Variants in AKT3 observed in about 807,000 individuals in gnomAD.
The protein encoded by AKT3 is RAC-gamma serine/threonine-protein kinase.
AKT3 carries 15 observed loss-of-function variants against 65.3 expected under a neutral mutation model. The ratio of observed to expected loss-of-function variants is 0.23; its 90% CI spans 0.15 to 0.35. The LOEUF (loss-of-function observed/expected upper bound fraction) is 0.35. AKT3 is among the 10% of genes least tolerant of loss of function. The pLI is 1.00. For missense variants in AKT3, 243 were observed against 576.5 expected (o/e 0.42, Z 5.92); for synonymous variants, 206 against 183.8 (o/e 1.12, Z -0.98).
intron 8 of AKT3, among the ~76,000 whole-genome samples, chr1:243,580,731 T>C (rs1321064673): frequency 6.6e-6 from 1 of 152,184 alleles, no homozygotes; most frequent in Non-Finnish European, 1.5e-5. Context: ...GCATGTGCCA[T>C]TGCCGGGTAA....
At chr1:243,812,445 G>A (rs940608638) in intron 2 of AKT3, among the ~76,000 whole-genome samples, 21 of 152,206 alleles carry the variant, frequency 1.4e-4, no homozygotes, top group Non-Finnish European at 2.2e-4. Flanking sequence ...CTGGCCATCA[G>A]AGAAATGCAA....
chr1:243,659,679 G>A (rs576780619), intron 4 of AKT3, among the ~76,000 whole-genome samples: 1 of 151,942 alleles, frequency 6.6e-6, no homozygotes, highest in African/African-American at 2.4e-5. Flanking sequence ...TGATGGGCTC[G>A]CCATTGAGAA....
intron 4 of AKT3, among the ~76,000 whole-genome samples, chr1:243,651,867 C>T (rs1235580556): frequency 2.6e-5 from 4 of 151,794 alleles, no homozygotes; most frequent in Non-Finnish European, 5.9e-5. Flanking sequence ...TTTTTTGTTG[C>T]GTCTCTGCCA....
chr1:243,492,452 C>G (rs199656337), intron 13 of AKT3, among the ~76,000 whole-genome samples: 27 of 151,590 alleles, frequency 1.8e-4, no homozygotes, highest in African/African-American at 6.3e-4. Context: ...CAGGCACCCA[C>G]CACCACACCT....
intron 2 of AKT3, among the ~76,000 whole-genome samples, chr1:243,750,022 C>T (rs1334726581): frequency 6.6e-6 from 1 of 152,156 alleles, no homozygotes; most frequent in Non-Finnish European, 1.5e-5. Context: ...TCTCTGCTTT[C>T]TTCTCCTTCT....
At chr1:243,497,522 C>T (rs1405516372), downstream of AKT3, among the ~76,000 whole-genome samples, 1 of 152,064 alleles carries the variant, frequency 6.6e-6, no homozygotes, top group African/African-American at 2.4e-5. Flanking sequence ...ATCTGTGTCA[C>T]CCCCATGCAG....
intron 2 of AKT3, among the ~76,000 whole-genome samples, chr1:243,781,347 T>C (rs1030751595): frequency 1.3e-5 from 2 of 152,188 alleles, no homozygotes; most frequent in Non-Finnish European, 1.5e-5. Flanking sequence ...TCATATACAA[T>C]GCTGTAAAAA....
At chr1:243,745,494 A>T (rs4658590) in intron 2 of AKT3, among the ~76,000 whole-genome samples, 77,564 of 151,984 alleles carry the variant, frequency 0.51, 23,582 homozygotes, top group Non-Finnish European at 0.68. Context: ...AAACAGGAAA[A>T]GTGATTTGCC....
chr1:243,584,961 T>C (rs1165940949), intron 8 of AKT3, among the ~76,000 whole-genome samples: 2 of 152,070 alleles, frequency 1.3e-5, no homozygotes, highest in Non-Finnish European at 2.9e-5. Flanking sequence ...AAAGTATAAC[T>C]ATCTCTCTTT....
intron 2 of AKT3, among the ~76,000 whole-genome samples, chr1:243,795,804 G>A (rs12116882): frequency 0.23 from 34,654 of 151,900 alleles, 4,322 homozygotes; most frequent in East Asian, 0.32. Flanking sequence ...AACAATCCAC[G>A]GCCCCTGGTT....
chr1:243,627,073 C>A (rs1230624081), intron 6 of AKT3, among the ~76,000 whole-genome samples: 2 of 152,088 alleles, frequency 1.3e-5, no homozygotes, highest in Non-Finnish European at 2.9e-5. Flanking sequence ...CTGTGTCGTG[C>A]ATGAAAAAGG....
intron 8 of AKT3, among the ~76,000 whole-genome samples, chr1:243,598,414 T>C (rs1676780470): frequency 1.3e-5 from 2 of 152,212 alleles, no homozygotes; most frequent in South Asian, 4.1e-4. Flanking sequence ...ATTGTTAAGC[T>C]TAGCCATGCT....
chr1:243,645,283 T>C (rs1462338244), intron 5 of AKT3, among the ~76,000 whole-genome samples: 1 of 152,234 alleles, frequency 6.6e-6, no homozygotes, highest in Non-Finnish European at 1.5e-5. Context: ...AATATCATTT[T>C]TGTAATAAGG....
chr1:243,689,120 C>A (rs1193456954), intron 3 of AKT3, among the ~76,000 whole-genome samples: 1 of 152,148 alleles, frequency 6.6e-6, no homozygotes, highest in African/African-American at 2.4e-5. Context: ...TATTTTTCCT[C>A]CCACTGCTAT....
intron 2 of AKT3, among the ~76,000 whole-genome samples, chr1:243,697,110 T>G (rs1429815285): frequency 6.6e-6 from 1 of 152,066 alleles, no homozygotes; most frequent in Non-Finnish European, 1.5e-5. Flanking sequence ...TATCTATGTT[T>G]ACTTTATTCG....
At chr1:243,658,052 T>C (rs528946689) in intron 4 of AKT3, among the ~76,000 whole-genome samples, 2 of 152,158 alleles carry the variant, frequency 1.3e-5, no homozygotes, top group African/African-American at 2.4e-5. Context: ...AAAAGCTTCA[T>C]AATTTGGTCT....
chr1:243,611,683 CA>C (rs11374397), intron 8 of AKT3, among the ~76,000 whole-genome samples: 13 of 147,314 alleles, frequency 8.8e-5, no homozygotes, highest in African/African-American at 1.5e-4. Flanking sequence ...GACCCCATCT[CA>C]AAAAAAAAAA....
chr1:243,766,350 A>G (rs1259521339), intron 2 of AKT3, among the ~76,000 whole-genome samples: 1 of 152,156 alleles, frequency 6.6e-6, no homozygotes. Context: ...AAGAAAATTA[A>G]TAATAATTTT....
intron 5 of AKT3, among the ~76,000 whole-genome samples, chr1:243,643,602 C>A (rs192604949): frequency 3.7e-4 from 56 of 152,296 alleles, no homozygotes; most frequent in African/African-American, 1.1e-3. Flanking sequence ...CCTCTTTACA[C>A]CCAACATCCT....
Sources: gnomAD v4.1 joint callset for allele counts (sites outside exome capture counted in the v4.1 genomes callset) on GRCh38, gnomAD v4.1.1 for gene constraint, MANE v1.5 for transcripts, NCBI Gene and HGNC (gene_info 2026-07-23, HGNC 2026-07-21) for gene names.